ITPRID1: variants seen among roughly 807,000 people sequenced by gnomAD.
The protein encoded by ITPRID1 is protein ITPRID1.
Under a neutral mutation model 95.4 loss-of-function variants are expected in ITPRID1, and 96 were observed. The observed-to-expected ratio is 1.01, with a 90% CI of 0.85 to 1.19. The LOEUF is 1.19. Ranked by LOEUF, ITPRID1 falls within the 50% of genes most tolerant of loss-of-function variation. The probability of loss-of-function intolerance (pLI) is 0.00; values close to 1 mark genes in which losing one functional copy is unlikely to be tolerated. For missense variants in ITPRID1, 1,339 were observed against 1,252.9 expected, an observed-to-expected ratio of 1.07 and a Z score of -1.04; for synonymous variants, 510 against 453.6, an observed-to-expected ratio of 1.12 and a Z score of -1.58.
chr7:31,598,472 C>T (rs1032938706), intron 10 of ITPRID1, among the ~76,000 whole-genome samples: 2 of 138,596 alleles, frequency 1.4e-5, no homozygotes, highest in African/African-American at 2.7e-5. Context: ...GGCGCTATCT[C>T]GGCTCACTGC....
Position 31,622,134 on chromosome 7 carries a change from A to G in ITPRID1, c.1229-20042A>G, listed in dbSNP as rs1278786912. ...TCCTGAGTGACCTACAAAGAGACTT[A>G]GACTCCCACACATTAATAATGGGAG... On this transcript the variant is annotated intron_variant, in intron 10 of 14. Transcript: ENST00000615280. 2.2e-5 allele frequency among the ~76,000 whole-genome samples: 3 copies of G among 137,432 alleles called. No individual in the cohort carries two copies. In the East Asian group the frequency reaches 6.5e-4, roughly 30 times the overall value. 90.2% of individuals were successfully genotyped at this position (137,432 alleles called of 152,430 possible).
At chr7:31,585,736 A>C (rs182742393) in intron 10 of ITPRID1, among the ~76,000 whole-genome samples, 263 of 152,322 alleles carry the variant, frequency 1.7e-3, no homozygotes, top group African/African-American at 6.1e-3. Flanking sequence ...AAAATCATCA[A>C]ACCAAGCAAA....
intron 10 of ITPRID1, among the ~76,000 whole-genome samples, chr7:31,613,554 G>T (rs1705447670): frequency 7.1e-6 from 1 of 139,896 alleles, no homozygotes; most frequent in South Asian, 2.1e-4. Flanking sequence ...TATTTGCTCT[G>T]TTTGTTAGTC....
chr7:31,601,516 T>G (rs983007455), intron 10 of ITPRID1, among the ~76,000 whole-genome samples: 1 of 152,184 alleles, frequency 6.6e-6, no homozygotes, highest in Non-Finnish European at 1.5e-5. Context: ...CCTTGAATCC[T>G]AGTGAGGAAA....
intron 10 of ITPRID1, among the ~76,000 whole-genome samples, chr7:31,605,701 T>A (rs1474049861): frequency 6.6e-6 from 1 of 152,202 alleles, no homozygotes; most frequent in Admixed American, 6.5e-5. Context: ...TCATAACTGA[T>A]CTTATTCTGG....
intron 10 of ITPRID1, among the ~76,000 whole-genome samples, chr7:31,636,828 T>G (rs925719329): frequency 1.3e-5 from 2 of 151,364 alleles, no homozygotes; most frequent in East Asian, 3.9e-4. Context: ...GCTGCACCCA[T>G]TAACTCATCA....
Position 31,642,248 on chromosome 7 carries a change from T to C in ITPRID1, c.1301T>C (p.Leu434Pro), listed in dbSNP as rs557936927. 6.4e-7 allele frequency: 1 copy of C among 1,552,188 alleles called. No individual in the cohort carries two copies. The highest frequency in any genetic ancestry group is 8.7e-7 in the Non-Finnish European group (1 of 1,147,512). The change falls in exon 11 of 15, where the codon CTG (leucine) becomes CCG (proline). Residue 434 changes from leucine to proline, a missense_variant. Transcript: ENST00000615280. ...TTCCTGGAGGAGCCGCTGGAACCGC[T>C]GCCCCTCCAGGTAGGAGGGTTTGGA... Reference protein sequence around the residue: ...SGFLEEPLEPLPLQMPSLPNS... With the variant: ...SGFLEEPLEPPPLQMPSLPNS...
chr7:31,531,977 A>G (rs1469497081), intron 1 of ITPRID1, among the ~76,000 whole-genome samples: 1 of 152,176 alleles, frequency 6.6e-6, no homozygotes, highest in Non-Finnish European at 1.5e-5. Flanking sequence ...TGCATTTTAA[A>G]CAACTTACGT....
chr7:31,643,593 T>A lies in ITPRID1; in HGVS notation c.2223T>A (p.Asp741Glu), dbSNP rs1226231029. The A allele has an allele frequency of 1.2e-6, 2 of 1,614,036 alleles. No individual in the cohort carries two copies. The highest frequency in any genetic ancestry group is 3.3e-5 in the Admixed American group (2 of 60,016). ...RGTSLECTVC[D>E]PVTATETRLG... is the part of the protein sequence containing the mutation. The stretch of plus-strand genomic sequence containing the variant: ...CATCTTTAGAATGCACTGTGTGTGA[T>A]CCTGTTACCGCAACAGAAACAAGAC... The change falls in exon 12 of 15, where the codon GAT becomes GAA. Residue 741 changes from aspartate (D) to glutamate (E), a missense_variant. Physicochemically the swap from Asp to Glu is conservative, Grantham distance 45. Coordinates refer to ENST00000615280, the MANE Select transcript of ITPRID1 (RefSeq NM_001257967.3).
chr7:31,586,720 A>C (rs904111315), intron 10 of ITPRID1, among the ~76,000 whole-genome samples: 6 of 151,816 alleles, frequency 4.0e-5, no homozygotes, highest in East Asian at 1.9e-4. Context: ...GTTTGAGTTC[A>C]TTGTAGATTC....
intron 1 of ITPRID1, 38 bp downstream of exon 1, chr7:31,514,158 CTGCTT>C (rs1782980647): frequency 6.6e-6 from 1 of 152,210 alleles, no homozygotes; most frequent in African/African-American, 2.4e-5. Context: ...TCATGATCAT[CTGCTT>C]TGAGGGATAA....
At chr7:31,566,630 A>G (rs951837782) in intron 5 of ITPRID1, among the ~76,000 whole-genome samples, 12 of 152,344 alleles carry the variant, frequency 7.9e-5, no homozygotes, top group African/African-American at 2.6e-4. Context: ...ACAATATTTT[A>G]TCTTCCATTT....
At chr7:31,658,598 T>C (rs1385943864), downstream of ITPRID1, 1 of 314,912 alleles carries the variant, frequency 3.2e-6, no homozygotes, top group South Asian at 1.1e-4. Flanking sequence ...TGTGCGAGAA[T>C]TGTAGGTTAT....
At chr7:31,582,496 C>T (rs1004059458) in intron 9 of ITPRID1, among the ~76,000 whole-genome samples, 1 of 152,092 alleles carries the variant, frequency 6.6e-6, no homozygotes, top group Admixed American at 6.6e-5. Context: ...AGTGATCCTC[C>T]CACCTTTGCC....
intron 7 of ITPRID1, 80 bp from the exon 8 acceptor site, chr7:31,574,460 T>C: frequency 8.3e-7 from 1 of 1,205,562 alleles, no homozygotes; most frequent in Non-Finnish European, 1.2e-6. Flanking sequence ...ATCTGGGAGA[T>C]TGGGTGGATG....
At chr7:31,572,669 G>A (rs1479366887) in intron 7 of ITPRID1, among the ~76,000 whole-genome samples, 1 of 152,142 alleles carries the variant, frequency 6.6e-6, no homozygotes, top group African/African-American at 2.4e-5. Flanking sequence ...TAATAATTGA[G>A]GGGAGTGAAA....
Position 31,651,265 on chromosome 7 carries a change from G to T in ITPRID1, c.2707G>T (p.Glu903Ter). The T allele has an allele frequency of 6.2e-7, 1 of 1,613,004 alleles. No individual in the cohort carries two copies. The highest frequency in any genetic ancestry group is 8.5e-7 in the Non-Finnish European group (1 of 1,179,354). The change falls in exon 13 of 15, where the codon GAA becomes TAA. Residue 903 changes from glutamate to a stop codon, truncating the protein, a stop_gained. Transcript: ENST00000615280. LOFTEE classifies it high-confidence loss of function. Reference protein sequence around the residue: ...ALFSRDMSEEEREEAEQLQTL... With the variant: ...ALFSRDMSEE ...CTTTTCCAGGGACATGTCAGAGGAG[G>T]AAAGGTAATTACCTAAGGGAGCCAT...
intron 10 of ITPRID1, among the ~76,000 whole-genome samples, chr7:31,625,500 T>C (rs1318646843): frequency 6.6e-6 from 1 of 152,152 alleles, no homozygotes; most frequent in Non-Finnish European, 1.5e-5. Context: ...GAAATCATCA[T>C]TCTCAATAAA....
At position 31,643,673 on chromosome 7, in the gene ITPRID1, GCAA is replaced by G; in HGVS notation, c.2307_2309del (p.Asn769del). On this transcript the variant is annotated inframe_deletion, in exon 12 of 15. Transcript: ENST00000615280. ...GCTTCCATTCAGACTTCAGCTCTAA[GCAA>G]CAAGACCTTGACACATGGGCCCCAG... The G allele has an allele frequency of 1.9e-6, 3 of 1,614,040 alleles. No homozygotes were observed. The highest frequency in any genetic ancestry group is 1.7e-6 in the Non-Finnish European group (2 of 1,179,906).
Sources: allele counts gnomAD v4.1 joint callset (sites outside exome capture counted in the v4.1 genomes callset), GRCh38; gene constraint gnomAD v4.1.1; transcripts MANE v1.5; gene names NCBI Gene and HGNC (gene_info 2026-07-23, HGNC 2026-07-21).